The following CRTAC1 variants were observed in gnomAD, a reference collection of about 807,000 sequenced individuals.
CRTAC1 encodes the protein acidic secreted protein in cartilage.
CRTAC1 carries 37 observed loss-of-function variants against 67.8 expected under a neutral mutation model. The ratio of observed to expected loss-of-function variants is 0.55; its 90% confidence interval spans 0.42 to 0.72. CRTAC1 has a LOEUF of 0.72. Among genes scored for constraint, CRTAC1 ranks in the 30% least tolerant of loss-of-function variants. The pLI is 0.00. For missense variants in CRTAC1, 780 were observed against 931.6 expected (o/e 0.84, Z 2.12); for synonymous variants, 348 against 371.0 (o/e 0.94, Z 0.71).
At chr10:97,916,913 A>T (rs1398772147) in intron 5 of CRTAC1, among the ~76,000 whole-genome samples, 1 of 152,126 alleles carries the variant, frequency 6.6e-6, no homozygotes, top group African/African-American at 2.4e-5. Context: ...AGAGAGTCTG[A>T]CAATAGGTCC....
At chr10:97,961,127 G>T (rs956435318) in intron 2 of CRTAC1, among the ~76,000 whole-genome samples, 5 of 151,920 alleles carry the variant, frequency 3.3e-5, no homozygotes, top group Non-Finnish European at 5.9e-5. Context: ...GTCTTGTAAT[G>T]GCCACGTGTG....
chr10:98,009,928 A>G (rs1033598598), intron 2 of CRTAC1, among the ~76,000 whole-genome samples: 13 of 152,180 alleles, frequency 8.5e-5, no homozygotes, highest in African/African-American at 3.1e-4. Flanking sequence ...CTTTTCTCTC[A>G]ATGTGGATGA....
In CRTAC1 at chr10:98,004,174, C is replaced by A. The variant is rs543149422; in HGVS notation, c.224+6964G>T. On this transcript the variant is annotated intron_variant, in intron 2 of 14. Transcript: ENST00000370597. ...ACACTGCAACCATTCTTCCATGATACCAACAACAATGAAATTTCAGGGTTA... is the reference window on the plus strand; with the variant it reads ...ACACTGCAACCATTCTTCCATGATAACAACAACAATGAAATTTCAGGGTTA... Among the ~76,000 whole-genome samples, 14 of 152,244 alleles carry A rather than the reference C, an allele frequency of 9.2e-5. No individual in the cohort carries two copies. In the South Asian group the frequency reaches 2.9e-3, roughly 32 times the overall value.
At chr10:97,878,630 T>G (rs2050173770) in intron 14 of CRTAC1, 4 of 1,303,832 alleles carry the variant, frequency 3.1e-6, no homozygotes, top group Admixed American at 2.3e-5. Flanking sequence ...AAGAGTGTTC[T>G]GGCTACAGGA....
intron 14 of CRTAC1, among the ~76,000 whole-genome samples, chr10:97,878,902 C>T (rs945851070): frequency 6.6e-6 from 1 of 152,192 alleles, no homozygotes; most frequent in Non-Finnish European, 1.5e-5. Context: ...ACACATCCTT[C>T]ACTTGGCCCA....
intron 8 of CRTAC1, among the ~76,000 whole-genome samples, chr10:97,897,924 A>G (rs1398580165): frequency 6.6e-6 from 1 of 152,204 alleles, no homozygotes; most frequent in Non-Finnish European, 1.5e-5. Flanking sequence ...ATACAGTCAT[A>G]GCTTCAGGAG....
At chr10:98,015,912 T>C (rs764002741) in intron 1 of CRTAC1, among the ~76,000 whole-genome samples, 1 of 152,194 alleles carries the variant, frequency 6.6e-6, no homozygotes, top group African/African-American at 2.4e-5. Context: ...CCAGGCTATA[T>C]ACTACAGTGA....
At chr10:97,869,650 C>T (rs1053014893) in intron 14 of CRTAC1, 1 of 152,306 alleles carries the variant, frequency 6.6e-6, no homozygotes. Flanking sequence ...TTATGCACTG[C>T]ACTCGGGGAA....
intron 2 of CRTAC1, among the ~76,000 whole-genome samples, chr10:97,974,397 C>T (rs757797297): frequency 1.3e-5 from 2 of 152,146 alleles, no homozygotes; most frequent in African/African-American, 2.4e-5. Context: ...CAGGCACCTC[C>T]GGTTACCGCT....
chr10:97,866,190 C>G, intron 14 of CRTAC1: 1 of 157,092 alleles, frequency 6.4e-6, no homozygotes, highest in Non-Finnish European at 1.4e-5. Flanking sequence ...CCTGCAGGGC[C>G]CCGGCCTGTC....
At chr10:97,865,803 GC>G in intron 14 of CRTAC1, 89 bp from the exon 15 acceptor site, 6 of 1,137,928 alleles carry the variant, frequency 5.3e-6, no homozygotes, top group Middle Eastern at 3.2e-4. Context: ...CATTCTTTGG[GC>G]TCACCCTGCT....
chr10:97,895,020 T>G lies in CRTAC1; in HGVS notation c.1486+225A>C, dbSNP rs2050435948. ...AACTAATTCCACAGAGGCACTGGGG[T>G]GGGGACTCCAGCAAGTGAGATGCAT... On this transcript the variant is annotated intron_variant, in intron 11 of 14. Coordinates refer to ENST00000370597, the MANE Select transcript of CRTAC1 (RefSeq NM_018058.7). The surrounding 1 kb of genome is among the most constrained non-coding windows in gnomAD (Gnocchi z 4.2). Among the ~76,000 whole-genome samples the G allele has an allele frequency of 6.6e-6, 1 of 151,478 alleles. No individual in the cohort carries two copies. Among genetic ancestry groups the G allele is most frequent in the South Asian group, 2.1e-4 (1 of 4,786 alleles).
intron 12 of CRTAC1, among the ~76,000 whole-genome samples, chr10:97,883,035 C>T (rs1196015606): frequency 2.0e-5 from 3 of 152,258 alleles, no homozygotes; most frequent in Non-Finnish European, 4.4e-5. Context: ...TGAATGGATA[C>T]GGTTCAGACT....
intron 2 of CRTAC1, among the ~76,000 whole-genome samples, chr10:97,979,454 C>T (rs543444723): frequency 1.3e-5 from 2 of 152,322 alleles, no homozygotes; most frequent in South Asian, 4.1e-4. Flanking sequence ...GGTGTCCCAT[C>T]AGGAGCTGGA....
At chr10:98,019,638 G>A (rs1843076225) in intron 1 of CRTAC1, among the ~76,000 whole-genome samples, 1 of 152,200 alleles carries the variant, frequency 6.6e-6, no homozygotes, top group Admixed American at 6.5e-5. Context: ...GAACTGGTCA[G>A]TTTGAAAGAA....
intron 11 of CRTAC1, among the ~76,000 whole-genome samples, chr10:97,889,461 G>GC (rs1564879476): frequency 2.4e-4 from 22 of 91,068 alleles, no homozygotes; most frequent in African/African-American, 6.0e-4. Context: ...GGTGGGGGGG[G>GC]GTCCACTGAG....
chr10:97,949,899 T>C (rs1446563659), intron 2 of CRTAC1, among the ~76,000 whole-genome samples: 2 of 152,198 alleles, frequency 1.3e-5, no homozygotes, highest in Non-Finnish European at 1.5e-5. Flanking sequence ...ACAGAGCAAA[T>C]GCTCAGTAAA....
At chr10:97,940,325 C>T (rs1210751539) in intron 2 of CRTAC1, among the ~76,000 whole-genome samples, 2 of 152,244 alleles carry the variant, frequency 1.3e-5, no homozygotes, top group Non-Finnish European at 2.9e-5. Flanking sequence ...GCTACATGGG[C>T]TTACACACTT....
At chr10:97,901,751 A>C in intron 7 of CRTAC1, 112 bp from the exon 8 acceptor site, 3 of 1,331,584 alleles carry the variant, frequency 2.3e-6, no homozygotes, top group Non-Finnish European at 3.1e-6. Context: ...TCCAACCCAA[A>C]AGCTCCTCTC....
Sources: allele counts gnomAD v4.1 joint callset (sites outside exome capture counted in the v4.1 genomes callset), GRCh38; gene constraint gnomAD v4.1.1; non-coding constraint Gnocchi (gnomAD v3.1); transcripts MANE v1.5; gene names NCBI Gene and HGNC (gene_info 2026-07-23, HGNC 2026-07-21).